CPXM2: variants seen among roughly 807,000 people sequenced by gnomAD.
The protein encoded by CPXM2 is inactive carboxypeptidase-like protein X2.
CPXM2 carries 66 observed loss-of-function variants against 86.1 expected under a neutral mutation model. That is an observed-to-expected ratio of 0.77 (90% CI 0.63 to 0.94). The LOEUF (loss-of-function observed/expected upper bound fraction) is 0.94, where lower values mean the gene tolerates loss of function less well. Among genes scored for constraint, CPXM2 ranks in the 40% least tolerant of loss-of-function variants. The probability of loss-of-function intolerance (pLI) is 0.00; values close to 1 mark genes in which losing one functional copy is unlikely to be tolerated. For synonymous variants in CPXM2, 388 were observed against 400.2 expected, an observed-to-expected ratio of 0.97 and a Z score of 0.36; for missense variants, 948 against 1,026.3, an observed-to-expected ratio of 0.92 and a Z score of 1.04.
intron 5 of CPXM2, 146 bp downstream of exon 5, chr10:123,798,969 G>T: frequency 2.3e-6 from 2 of 851,262 alleles, no homozygotes; most frequent in Admixed American, 4.2e-5. Flanking sequence ...GGCAGGGAAA[G>T]GGTCTCTGTC....
chr10:123,815,204 T>C (rs1404270694), intron 4 of CPXM2, among the ~76,000 whole-genome samples: 2 of 151,980 alleles, frequency 1.3e-5, no homozygotes, highest in African/African-American at 4.8e-5. Context: ...TGAAAGAAAA[T>C]GATGAACTCA....
At chr10:123,822,181 A>G (rs778371031) in intron 4 of CPXM2, among the ~76,000 whole-genome samples, 1 of 152,220 alleles carries the variant, frequency 6.6e-6, no homozygotes, top group Non-Finnish European at 1.5e-5. Context: ...GGTTTCTCCA[A>G]AGTATCTGAA....
At chr10:123,864,465 C>T (rs934906413) in intron 2 of CPXM2, among the ~76,000 whole-genome samples, 9 of 152,208 alleles carry the variant, frequency 5.9e-5, no homozygotes, top group Admixed American at 2.0e-4. Context: ...AATACATACC[C>T]ACAACAGTCC....
Position 123,867,967 on chromosome 10 carries a change from T to C in CPXM2, c.404-5244A>G, listed in dbSNP as rs553991488. ...AATTATGCAGGATGAGGAAACCACTTGCAAAGCATGCGAGCCACGTAAGAG... is the reference window on the plus strand; with the variant it reads ...AATTATGCAGGATGAGGAAACCACTCGCAAAGCATGCGAGCCACGTAAGAG... On this transcript the variant is annotated intron_variant, in intron 2 of 13. Coordinates refer to ENST00000241305, the MANE Select transcript of CPXM2 (RefSeq NM_198148.3). Among the ~76,000 whole-genome samples, 3 of 152,252 alleles carry C rather than the reference T, an allele frequency of 2.0e-5. No individual in the cohort carries two copies. The East Asian group carries it at 5.8e-4, about 29-fold the overall frequency.
At chr10:123,905,792 C>T (rs1244049753) in intron 2 of CPXM2, among the ~76,000 whole-genome samples, 1 of 152,156 alleles carries the variant, frequency 6.6e-6, no homozygotes, top group African/African-American at 2.4e-5. Context: ...TGCCTCCCAC[C>T]CCACCCTCAC....
At chr10:123,853,789 C>T (rs556148958) in intron 3 of CPXM2, among the ~76,000 whole-genome samples, 225 of 152,232 alleles carry the variant, frequency 1.5e-3, no homozygotes, top group Non-Finnish European at 2.2e-3. Context: ...CCTGTAATCC[C>T]AGCTACTCAG....
chr10:123,909,856 A>G (rs1270364158), intron 2 of CPXM2, among the ~76,000 whole-genome samples: 4 of 152,218 alleles, frequency 2.6e-5, no homozygotes, highest in Non-Finnish European at 5.9e-5. Context: ...GTGTTCACCC[A>G]TGAGGGCCAT....
intron 3 of CPXM2, among the ~76,000 whole-genome samples, chr10:123,846,599 A>T (rs897404486): frequency 2.0e-5 from 3 of 152,152 alleles, no homozygotes; most frequent in Non-Finnish European, 4.4e-5. Flanking sequence ...GTACTAGAGG[A>T]TGCACTCCAA....
intron 13 of CPXM2, chr10:123,750,682 C>T (rs1192670056): frequency 4.1e-6 from 4 of 982,244 alleles, no homozygotes; most frequent in Non-Finnish European, 4.8e-6. Context: ...TAGTCTGGTA[C>T]ACAGTAGGAG....
Position 123,746,761 on chromosome 10 carries a change from G to A in CPXM2, c.*3C>T. The A allele has an allele frequency of 9.9e-6, 16 of 1,613,884 alleles. No individual in the cohort carries two copies. The highest frequency in any genetic ancestry group is 1.4e-5 in the Non-Finnish European group (16 of 1,179,936). ...CCAGACGAGTCTCAAGGGCCCAGGA[G>A]GGTCACCCACGCTGTCGTCTCTTCT... is the stretch of plus-strand genomic sequence containing the variant. On this transcript the variant is annotated 3_prime_UTR_variant, in exon 14 of 14. Transcript: ENST00000241305.
In CPXM2 at chr10:123,766,956, C is replaced by T. The variant is rs61861857; in HGVS notation, c.1479+17G>A. 3.8e-5 allele frequency: 61 copies of T among 1,602,796 alleles called. No individual in the cohort carries two copies. The highest frequency in any genetic ancestry group is 3.7e-4 in the South Asian group (34 of 90,864). On this transcript the variant is annotated intron_variant, in intron 10 of 13. Coordinates refer to ENST00000241305, the MANE Select transcript of CPXM2 (RefSeq NM_198148.3). Reference sequence around the variant, plus strand: ...TTGCCTTTGGCTGCTTTACAGATGACGGGTATTTTGACTCACCGTGGCATT... The same window carrying T: ...TTGCCTTTGGCTGCTTTACAGATGATGGGTATTTTGACTCACCGTGGCATT...
At chr10:123,919,672 A>G (rs1945565548) in intron 2 of CPXM2, among the ~76,000 whole-genome samples, 1 of 152,280 alleles carries the variant, frequency 6.6e-6, no homozygotes, top group African/African-American at 2.4e-5. Flanking sequence ...AAAGAGAGTC[A>G]GTTAATTTGA....
intron 2 of CPXM2, among the ~76,000 whole-genome samples, chr10:123,934,936 C>T (rs117234598): frequency 0.013 from 2,005 of 152,332 alleles, 15 homozygotes; most frequent in Middle Eastern, 0.041. Context: ...GTGAACTCCT[C>T]ATCATCTAAA....
rs749810964 is a variant in CPXM2, at chr10:123,747,027, AG to A, written c.2018-11del. On this transcript the variant is annotated splice_polypyrimidine_tract_variant and intron_variant, in intron 13 of 13. Coordinates refer to ENST00000241305, the MANE Select transcript of CPXM2 (RefSeq NM_198148.3). ...TAATCCCCATCGTTGGCTGTGAAAA[AG>A]AAAACCAGGGGAGACTCAGAGCAGC... The A allele has an allele frequency of 2.5e-6, 4 of 1,613,240 alleles. No individual in the cohort carries two copies. The Admixed American group carries it at 6.7e-5, about 27-fold the overall frequency.
At chr10:123,756,952 T>C (rs899053402) in intron 12 of CPXM2, among the ~76,000 whole-genome samples, 1 of 152,192 alleles carries the variant, frequency 6.6e-6, no homozygotes, top group African/African-American at 2.4e-5. Context: ...ACATAGCACC[T>C]GTTCCCTGCG....
In CPXM2 at chr10:123,890,783, C is replaced by T. The variant is rs147971809; in HGVS notation, c.304+573G>A. 9.0e-3 allele frequency among the ~76,000 whole-genome samples: 1,364 copies of T among 152,294 alleles called. 21 individuals are homozygous for T. Among genetic ancestry groups the T allele is most frequent in the African/African-American group, 0.032 (1,312 of 41,550 alleles). On this transcript the variant is annotated intron_variant, in intron 1 of 13. Transcript: ENST00000241305. ...AGCCCCCAAGCCGGAGTCCAGGCTG[C>T]AGCAGACTCCAGGCACAGACTCCCC...
chr10:123,758,159 T>G (rs561489404), intron 11 of CPXM2, among the ~76,000 whole-genome samples: 1 of 152,290 alleles, frequency 6.6e-6, no homozygotes, highest in East Asian at 1.9e-4. Flanking sequence ...CAGCCTAATG[T>G]GTAGTCGGTG....
At chr10:123,928,653 C>T (rs1278982569) in intron 2 of CPXM2, among the ~76,000 whole-genome samples, 2 of 152,218 alleles carry the variant, frequency 1.3e-5, no homozygotes, top group Non-Finnish European at 2.9e-5. Context: ...GCCCAAGCAG[C>T]CACACGGAGA....
chr10:123,774,042 G>A (rs1411857558), intron 7 of CPXM2, among the ~76,000 whole-genome samples: 1 of 152,224 alleles, frequency 6.6e-6, no homozygotes, highest in Non-Finnish European at 1.5e-5. Context: ...AGTGAAAGAA[G>A]ATCTGATTCA....
Sources: allele counts gnomAD v4.1 joint callset (sites outside exome capture counted in the v4.1 genomes callset), GRCh38; gene constraint gnomAD v4.1.1; transcripts MANE v1.5; gene names NCBI Gene and HGNC (gene_info 2026-07-23, HGNC 2026-07-21).